Variants in BCR observed in about 807,000 individuals in gnomAD.
The protein encoded by BCR is breakpoint cluster region protein.
A neutral mutation model predicts 138.6 loss-of-function variants in BCR; 58 were observed. That is an observed-to-expected ratio of 0.42 (90% CI 0.34 to 0.52). The LOEUF is 0.52. Among genes scored for constraint, BCR ranks in the 20% least tolerant of loss-of-function variants. The probability of loss-of-function intolerance (pLI) is 0.06; values close to 1 mark genes in which losing one functional copy is unlikely to be tolerated. For missense variants in BCR, 1,599 were observed against 1,727.2 expected (o/e 0.93, Z 1.32); for synonymous variants, 786 against 730.1 (o/e 1.08, Z -1.23).
intron 20 of BCR, 48 bp downstream of exon 20, chr22:23,313,069 C>T (rs1290275388): frequency 6.5e-7 from 1 of 1,537,490 alleles, no homozygotes; most frequent in Non-Finnish European, 8.8e-7. Flanking sequence ...CCTCCACGTG[C>T]ACTGCTGCCC....
intron 1 of BCR, among the ~76,000 whole-genome samples, chr22:23,222,455 T>C (rs567689244): frequency 1.3e-5 from 2 of 152,212 alleles, no homozygotes; most frequent in Non-Finnish European, 2.9e-5. Flanking sequence ...GATACGATTG[T>C]CAGATAAATT....
intron 16 of BCR, among the ~76,000 whole-genome samples, chr22:23,295,946 C>G (rs926352423): frequency 6.6e-6 from 1 of 152,088 alleles, no homozygotes; most frequent in Non-Finnish European, 1.5e-5. Context: ...CTCTCTCTTC[C>G]CAGGACCTTC....
chr22:23,214,681 G>A (rs1362350266), intron 1 of BCR, among the ~76,000 whole-genome samples: 1 of 152,266 alleles, frequency 6.6e-6, no homozygotes, highest in Non-Finnish European at 1.5e-5. Flanking sequence ...GCTAGGCAGG[G>A]AACCTGGCAC....
intron 1 of BCR, among the ~76,000 whole-genome samples, chr22:23,192,554 G>T (rs2072429037): frequency 6.6e-6 from 1 of 152,206 alleles, no homozygotes; most frequent in African/African-American, 2.4e-5. Context: ...TCTGGGTCTT[G>T]AAGGTGTCAG....
chr22:23,199,005 C>G (rs2072515478), intron 1 of BCR, among the ~76,000 whole-genome samples: 1 of 151,974 alleles, frequency 6.6e-6, no homozygotes, highest in Non-Finnish European at 1.5e-5. Context: ...ACCTGTGATC[C>G]CAGCTACTCA....
intron 18 of BCR, 107 bp downstream of exon 18, chr22:23,310,540 C>T (rs2073995979): frequency 4.3e-6 from 3 of 697,076 alleles, no homozygotes; most frequent in African/African-American, 1.7e-5. Flanking sequence ...GTGGCCACTG[C>T]ACGGTGAGGT....
In BCR at chr22:23,256,248, A is replaced by G. The variant is rs144702808; in HGVS notation, c.1461+2268A>G. On this transcript the variant is annotated intron_variant, in intron 2 of 22. Coordinates refer to ENST00000305877, the MANE Select transcript of BCR (RefSeq NM_004327.4). ...AGGCTGCTCATCCCTCTCCTCCTGCACGCCACCCACCCCTCATTTGGTCCC... is the reference window on the plus strand; with the variant it reads ...AGGCTGCTCATCCCTCTCCTCCTGCGCGCCACCCACCCCTCATTTGGTCCC... Among the ~76,000 whole-genome samples the G allele has an allele frequency of 2.0e-5, 3 of 152,166 alleles. No individual in the cohort carries two copies. In the East Asian group the frequency reaches 5.8e-4, roughly 29 times the overall value.
Position 23,261,851 on chromosome 22 carries a change from C to T in BCR, c.1752+311C>T, listed in dbSNP as rs114859719. ...TATTCACAGGCGCAATTCCACTGCT[C>T]ATCAGCACGGGAGTTTTGACCTCCT... On this transcript the variant is annotated intron_variant, in intron 4 of 22. Coordinates refer to ENST00000305877, the MANE Select transcript of BCR (RefSeq NM_004327.4). 4.9e-3 allele frequency: 919 copies of T among 187,214 alleles called. 10 individuals are homozygous for T. The highest frequency in any genetic ancestry group is 0.021 in the African/African-American group (872 of 42,060). 11.6% of individuals were successfully genotyped at this position (187,214 alleles called of 1,614,324 possible).
chr22:23,250,963 A>C (rs1411435394), intron 1 of BCR: 1 of 152,172 alleles, frequency 6.6e-6, no homozygotes, highest in African/African-American at 2.4e-5. Context: ...TCCCCCACCC[A>C]AAGGCCAAAG....
chr22:23,228,878 G>A (rs904747016), intron 1 of BCR, among the ~76,000 whole-genome samples: 12 of 151,778 alleles, frequency 7.9e-5, no homozygotes, highest in Admixed American at 3.3e-4. Flanking sequence ...GCATTTCTCG[G>A]GTCTGTAAAT....
intron 1 of BCR, among the ~76,000 whole-genome samples, chr22:23,236,633 A>G (rs1012165150): frequency 6.6e-6 from 1 of 152,228 alleles, no homozygotes; most frequent in Non-Finnish European, 1.5e-5. Context: ...GGTTCCCCTC[A>G]TGAGGACCGA....
rs781465858 is a variant in BCR, at chr22:23,192,316, T to G, written c.1279+10077T>G. On this transcript the variant is annotated intron_variant, in intron 1 of 22. Transcript: ENST00000305877. ...GCTGGCGCTGCCTCTCTCCTCAGAC[T>G]GAGTGGTTGTGTTAATCACATGAGA... is the stretch of plus-strand genomic sequence containing the variant. Among the ~76,000 whole-genome samples, 55 of 152,192 alleles carry G rather than the reference T, an allele frequency of 3.6e-4. 1 individual carries two copies. The highest frequency in any genetic ancestry group is 2.5e-4 in the Non-Finnish European group (17 of 68,040).
At chr22:23,258,341 T>TG (rs967925363) in intron 2 of BCR, among the ~76,000 whole-genome samples, 1 of 152,002 alleles carries the variant, frequency 6.6e-6, no homozygotes, top group Non-Finnish European at 1.5e-5. Flanking sequence ...GGGCACAGGG[T>TG]GGGGCTCCCT....
rs1489167714 is a variant in BCR, at chr22:23,181,972, C to T, written c.1012C>T (p.Leu338Phe). Residue 338 changes from leucine (L) to phenylalanine (F), a missense_variant, in exon 1 of 23, where the codon CTC becomes TTC. Physicochemically the swap from Leu to Phe is conservative, Grantham distance 22. Around this residue, in one of 4 missense-constraint regions of BCR, gnomAD observed 806 missense variants for 635.0 expected, o/e 1.27. Transcript: ENST00000305877. ...CCCGGACTGCAGCTCCAATGAGAAC[C>T]TCACCTCCAGCGAGGAGGACTTCTC... is the stretch of plus-strand genomic sequence containing the variant. ...YTPDCSSNEN[L>F]TSSEEDFSSG... 1.2e-6 allele frequency: 2 copies of T among 1,613,312 alleles called. No homozygotes were observed. Among genetic ancestry groups the T allele is most frequent in the Admixed American group, 1.7e-5 (1 of 60,002 alleles).
At chr22:23,292,483 C>T (rs528505186) in intron 14 of BCR, 58 bp from the exon 15 acceptor site, 2 of 1,221,554 alleles carry the variant, frequency 1.6e-6, no homozygotes, top group Non-Finnish European at 2.4e-6. Flanking sequence ...CTCTTACAGA[C>T]CATGTGGGTG....
At chr22:23,294,417 T>C (rs772928317) in intron 15 of BCR, among the ~76,000 whole-genome samples, 14 of 152,236 alleles carry the variant, frequency 9.2e-5, no homozygotes, top group Non-Finnish European at 1.8e-4. Flanking sequence ...ATATCTTTTT[T>C]TGAGGGAGAG....
intron 1 of BCR, among the ~76,000 whole-genome samples, chr22:23,247,770 G>GT (rs2073172542): frequency 6.6e-6 from 1 of 152,196 alleles, no homozygotes; most frequent in Non-Finnish European, 1.5e-5. Flanking sequence ...CTGTCTCTAT[G>GT]AATCTGACTA....
At chr22:23,314,459 C>G (rs2074044615) in intron 21 of BCR, 93 bp from the exon 22 acceptor site, 3 of 1,448,606 alleles carry the variant, frequency 2.1e-6, no homozygotes, top group Non-Finnish European at 2.9e-6. Context: ...GTCGAGGTCA[C>G]TCCCTTCCTG....
intron 1 of BCR, among the ~76,000 whole-genome samples, chr22:23,196,426 GTTTC>G (rs1475115602): frequency 6.6e-6 from 1 of 152,194 alleles, no homozygotes; most frequent in Non-Finnish European, 1.5e-5. Context: ...CATCTGTCCT[GTTTC>G]TTAGGGGACG....
Sources: allele counts gnomAD v4.1 joint callset (sites outside exome capture counted in the v4.1 genomes callset), GRCh38; gene constraint gnomAD v4.1.1; regional missense constraint gnomAD v4.1.1; transcripts MANE v1.5; gene names NCBI Gene and HGNC (gene_info 2026-07-23, HGNC 2026-07-21).